The following XRCC4 variants were observed in gnomAD, a reference collection of about 807,000 sequenced individuals.
The protein encoded by XRCC4 is DNA repair protein XRCC4.
XRCC4 carries 28 observed loss-of-function variants against 39.1 expected under a neutral mutation model. The ratio of observed to expected loss-of-function variants is 0.72; its 90% CI spans 0.53 to 0.98. XRCC4 has a LOEUF of 0.98. XRCC4 is among the 50% of genes least tolerant of loss of function. The pLI, the probability that XRCC4 is intolerant of heterozygous loss-of-function variation, is 0.00. For missense variants in XRCC4, 350 were observed against 376.4 expected (o/e 0.93, Z 0.58); for synonymous variants, 123 against 126.4 (o/e 0.97, Z 0.18).
At chr5:83,190,963 T>C (rs1052402430) in intron 3 of XRCC4, among the ~76,000 whole-genome samples, 4 of 152,162 alleles carry the variant, frequency 2.6e-5, no homozygotes, top group Middle Eastern at 3.2e-3. Context: ...ACTGCCCAAA[T>C]CCCTTACCTA....
intron 6 of XRCC4, among the ~76,000 whole-genome samples, chr5:83,227,489 A>T (rs1210133008): frequency 6.6e-6 from 1 of 152,094 alleles, no homozygotes; most frequent in Non-Finnish European, 1.5e-5. Context: ...TAAACTATTG[A>T]TATAATTAGG....
intron 6 of XRCC4, among the ~76,000 whole-genome samples, chr5:83,225,382 A>G (rs1282551197): frequency 1.3e-5 from 2 of 151,964 alleles, no homozygotes; most frequent in Admixed American, 1.3e-4. Flanking sequence ...GAGAGGAACT[A>G]TGGAAAATGC....
At chr5:83,333,817 TG>T (rs934420603) in intron 7 of XRCC4, among the ~76,000 whole-genome samples, 18 of 151,880 alleles carry the variant, frequency 1.2e-4, no homozygotes, top group African/African-American at 4.1e-4. Flanking sequence ...TCGCCAAGGC[TG>T]GAGTGCAGTG....
chr5:83,308,524 G>A (rs748700581), intron 7 of XRCC4, among the ~76,000 whole-genome samples: 2 of 152,164 alleles, frequency 1.3e-5, no homozygotes, highest in African/African-American at 4.8e-5. Context: ...AGAAAGATCA[G>A]TGCCAAATTT....
chr5:83,170,685 C>T (rs1749681913), intron 3 of XRCC4, among the ~76,000 whole-genome samples: 1 of 152,116 alleles, frequency 6.6e-6, no homozygotes, highest in South Asian at 2.1e-4. Flanking sequence ...AGAACCCAGT[C>T]CCCTTTAAGG....
At chr5:83,246,350 G>T (rs972600951) in intron 6 of XRCC4, among the ~76,000 whole-genome samples, 1 of 152,000 alleles carries the variant, frequency 6.6e-6, no homozygotes, top group Non-Finnish European at 1.5e-5. Flanking sequence ...TTTAAATGCC[G>T]ACTCCAGTTA....
chr5:83,235,397 A>G (rs1752652115), intron 6 of XRCC4, among the ~76,000 whole-genome samples: 1 of 151,900 alleles, frequency 6.6e-6, no homozygotes, highest in Admixed American at 6.6e-5. Flanking sequence ...CAGGGATGCA[A>G]GGATGTTTCA....
downstream of XRCC4, among the ~76,000 whole-genome samples, chr5:83,357,337 T>A (rs1279631348): frequency 6.6e-6 from 1 of 152,184 alleles, no homozygotes; most frequent in East Asian, 1.9e-4. Context: ...GAAACTACTA[T>A]GTAATGAACT....
intron 3 of XRCC4, among the ~76,000 whole-genome samples, chr5:83,162,154 G>A (rs1233844527): frequency 2.0e-5 from 3 of 152,170 alleles, no homozygotes; most frequent in East Asian, 1.9e-4. Flanking sequence ...GCGACAGAGC[G>A]AGACAACGTT....
chr5:83,158,582 TGAG>T (rs1315532869), intron 3 of XRCC4, among the ~76,000 whole-genome samples: 1 of 151,874 alleles, frequency 6.6e-6, no homozygotes, highest in African/African-American at 2.4e-5. Context: ...AAGAGGAAAG[TGAG>T]GAGGAAGTAA....
chr5:83,309,020 C>G (rs1755586784), intron 7 of XRCC4, among the ~76,000 whole-genome samples: 2 of 151,722 alleles, frequency 1.3e-5, no homozygotes, highest in Admixed American at 1.3e-4. Context: ...TGGCTCACGC[C>G]TGTAATCCCA....
At chr5:83,153,216 T>TG (rs1430594866) in intron 3 of XRCC4, among the ~76,000 whole-genome samples, 3 of 148,640 alleles carry the variant, frequency 2.0e-5, no homozygotes, top group South Asian at 4.2e-4. Context: ...CATTCAAACT[T>TG]TTTTTTTTTT....
chr5:83,188,932 A>T (rs918369294), intron 3 of XRCC4, among the ~76,000 whole-genome samples: 2 of 152,188 alleles, frequency 1.3e-5, no homozygotes, highest in African/African-American at 2.4e-5. Flanking sequence ...AGTGTCAGGG[A>T]ATCCAAGATT....
chr5:83,192,319 A>ATATATATAT (rs3069585), intron 3 of XRCC4, among the ~76,000 whole-genome samples: 3 of 143,502 alleles, frequency 2.1e-5, no homozygotes. Context: ...ATATATATAT[A>ATATATATAT]TTTTTTTGAG....
At chr5:83,273,083 C>T (rs1203567598) in intron 7 of XRCC4, among the ~76,000 whole-genome samples, 2 of 152,218 alleles carry the variant, frequency 1.3e-5, no homozygotes, top group South Asian at 2.1e-4. Flanking sequence ...TACTCTCCAA[C>T]ATCTATTGTT....
rs777524077 is a variant in XRCC4, at chr5:83,285,807, G to A, written c.893+27130G>A. Among the ~76,000 whole-genome samples the A allele has an allele frequency of 1.0e-3, 156 of 152,036 alleles. 4 individuals carry two copies. Among genetic ancestry groups the A allele is most frequent in the Admixed American group, 2.0e-3 (30 of 15,246 alleles). ...AGTCGTATATGTTCTGATCCCATTG[G>A]TAACTCCTTTGGGCTTTGTTCAGCG... On this transcript the variant is annotated intron_variant, in intron 7 of 7. Transcript: ENST00000396027.
intron 3 of XRCC4, among the ~76,000 whole-genome samples, chr5:83,186,696 CATTTTCAATTGCTACAGTAGCAAATT>C (rs1750453908): frequency 6.6e-6 from 1 of 152,164 alleles, no homozygotes; most frequent in South Asian, 2.1e-4. Context: ...TCAGTGTGTT[CATTTTCAATTGCTACAGTAGCAAATT>C]ACCACAGACT....
chr5:83,320,412 C>G (rs1037230702), intron 7 of XRCC4, among the ~76,000 whole-genome samples: 1 of 147,618 alleles, frequency 6.8e-6, no homozygotes, highest in African/African-American at 2.5e-5. Flanking sequence ...GAAATAAAAA[C>G]CACTCCTGGC....
rs115970329 is a variant in XRCC4, at chr5:83,292,575, C to T, written c.893+33898C>T. On this transcript the variant is annotated intron_variant, in intron 7 of 7. Transcript: ENST00000396027. The stretch of plus-strand genomic sequence containing the variant: ...CATAAATAAAACATTTTGAGTAGTA[C>T]TATATTCCCCAAATTAATGAAATTA... Among the ~76,000 whole-genome samples, 330 of 151,882 alleles carry T rather than the reference C, an allele frequency of 2.2e-3. 3 individuals are homozygous for T. Among genetic ancestry groups the T allele is most frequent in the African/African-American group, 7.6e-3 (315 of 41,458 alleles).
Sources: allele counts gnomAD v4.1 joint callset (sites outside exome capture counted in the v4.1 genomes callset), GRCh38; gene constraint gnomAD v4.1.1; transcripts MANE v1.5; gene names NCBI Gene and HGNC (gene_info 2026-07-23, HGNC 2026-07-21).